Variants in CEP70 observed in about 807,000 individuals in gnomAD.
CEP70 encodes the protein centrosomal protein of 70 kDa.
A neutral mutation model predicts 90.9 loss-of-function variants in CEP70; 70 were observed. That is an observed-to-expected ratio of 0.77 (90% CI 0.64 to 0.94). The LOEUF (loss-of-function observed/expected upper bound fraction) is 0.94. CEP70 is among the 40% of genes least tolerant of loss of function. The probability of loss-of-function intolerance (pLI) is 0.00; values close to 1 mark genes in which losing one functional copy is unlikely to be tolerated. For synonymous variants in CEP70, 220 were observed against 228.3 expected, an observed-to-expected ratio of 0.96 and a Z score of 0.33; for missense variants, 648 against 669.0, an observed-to-expected ratio of 0.97 and a Z score of 0.35.
At chr3:138,516,940 A>C (rs1339329898) in intron 11 of CEP70, among the ~76,000 whole-genome samples, 1 of 152,204 alleles carries the variant, frequency 6.6e-6, no homozygotes, top group African/African-American at 2.4e-5. Flanking sequence ...TTCAGAAAAC[A>C]CAATCACTGA....
chr3:138,505,174 G>T, intron 13 of CEP70, 121 bp downstream of exon 13: 1 of 719,684 alleles, frequency 1.4e-6, no homozygotes, highest in East Asian at 3.0e-5. Flanking sequence ...TAGCTTTAGA[G>T]TTAACACACA....
intron 2 of CEP70, among the ~76,000 whole-genome samples, chr3:138,579,892 G>A (rs1020306176): frequency 2.6e-5 from 4 of 151,964 alleles, no homozygotes; most frequent in African/African-American, 9.7e-5. Context: ...GCCCAACTGG[G>A]GAAGAGCATT....
At chr3:138,545,691 T>TA (rs1343509680) in intron 6 of CEP70, among the ~76,000 whole-genome samples, 5 of 152,176 alleles carry the variant, frequency 3.3e-5, no homozygotes, top group Admixed American at 3.3e-4. Context: ...CAGCAAGGAA[T>TA]ATTAATAATT....
intron 13 of CEP70, among the ~76,000 whole-genome samples, chr3:138,502,012 G>T (rs1223689944): frequency 6.6e-6 from 1 of 152,094 alleles, no homozygotes; most frequent in Non-Finnish European, 1.5e-5. Flanking sequence ...TATGTGTATG[G>T]CACAGCGCTT....
intron 6 of CEP70, among the ~76,000 whole-genome samples, chr3:138,543,994 T>G (rs2038968536): frequency 6.6e-6 from 1 of 152,148 alleles, no homozygotes; most frequent in Non-Finnish European, 1.5e-5. Context: ...AGATATCTAT[T>G]TAAAGTAACC....
At chr3:138,497,714 G>T in intron 17 of CEP70, 1 of 985,330 alleles carries the variant, frequency 1.0e-6, no homozygotes, top group Non-Finnish European at 1.2e-6. Flanking sequence ...GACCTTCTAA[G>T]ATCATAAATC....
At chr3:138,539,998 A>G (rs1386230273) in intron 6 of CEP70, among the ~76,000 whole-genome samples, 2 of 152,258 alleles carry the variant, frequency 1.3e-5, no homozygotes, top group African/African-American at 2.4e-5. Flanking sequence ...GAGCTTCTGC[A>G]TAGCAAAAGT....
chr3:138,571,277 GTTCTTTTGA>G lies in CEP70; in HGVS notation c.140_148del (p.Val47_Thr50delinsAla). On this transcript the variant is annotated inframe_deletion, in exon 4 of 18. Transcript: ENST00000264982. ...TAGGATCTAATTACCTTTGAGATCTGTTCTTTTGACTAGAGACAAAGGTTTTAAGCCATG... is the reference window on the plus strand; with the variant it reads ...TAGGATCTAATTACCTTTGAGATCTGCTAGAGACAAAGGTTTTAAGCCATG... 6.2e-7 allele frequency: 1 copy of G among 1,607,062 alleles called. No individual in the cohort carries two copies. Among genetic ancestry groups the G allele is most frequent in the African/African-American group, 1.3e-5 (1 of 74,802 alleles).
intron 13 of CEP70, among the ~76,000 whole-genome samples, chr3:138,503,675 A>G (rs1160777680): frequency 1.3e-5 from 2 of 152,168 alleles, no homozygotes; most frequent in Non-Finnish European, 2.9e-5. Flanking sequence ...TGTCCTCAGA[A>G]TATTCTAATT....
chr3:138,584,304 G>A (rs1018189536), intron 2 of CEP70, among the ~76,000 whole-genome samples: 2 of 151,646 alleles, frequency 1.3e-5, no homozygotes, highest in Non-Finnish European at 2.9e-5. Context: ...GAAAAGCCTC[G>A]GACTCCATGG....
chr3:138,565,572 A>G (rs952287702), intron 6 of CEP70, among the ~76,000 whole-genome samples: 1 of 152,248 alleles, frequency 6.6e-6, no homozygotes, highest in Non-Finnish European at 1.5e-5. Flanking sequence ...AAACCTGACA[A>G]AAACAAGAAA....
chr3:138,569,266 G>T (rs1467806090), intron 6 of CEP70, among the ~76,000 whole-genome samples: 1 of 152,044 alleles, frequency 6.6e-6, no homozygotes, highest in Non-Finnish European at 1.5e-5. Context: ...ACACACTGAG[G>T]GGACTTCCAG....
In CEP70 at chr3:138,494,424, C is replaced by T. The variant is rs1309007214; in HGVS notation, c.*591G>A. ...CATTACATCAAGATTGCAAAAGACA[C>T]TTTTTAAATGAGAGACTTCTATCTA... On this transcript the variant is annotated 3_prime_UTR_variant, in exon 18 of 18. Coordinates refer to ENST00000264982, the MANE Select transcript of CEP70 (RefSeq NM_024491.4). 1 of 152,190 alleles carries T rather than the reference C, an allele frequency of 6.6e-6. No homozygotes were observed. Among genetic ancestry groups the T allele is most frequent in the Non-Finnish European group, 1.5e-5 (1 of 68,020 alleles). The allele number at this position is 152,190 out of a possible 1,614,324, so 9.4% of individuals were successfully genotyped here.
intron 6 of CEP70, among the ~76,000 whole-genome samples, chr3:138,554,547 A>G (rs1279196732): frequency 6.6e-6 from 1 of 152,168 alleles, no homozygotes; most frequent in Non-Finnish European, 1.5e-5. Context: ...CACTGGCAAT[A>G]TGACTGTATA....
chr3:138,572,793 T>C (rs2108166345), intron 3 of CEP70, 66 bp downstream of exon 3: 2 of 1,037,658 alleles, frequency 1.9e-6, no homozygotes, highest in Middle Eastern at 2.1e-4. Flanking sequence ...AATTTTCCTG[T>C]TTGTAGATGT....
rs190284192 is a variant in CEP70, at chr3:138,582,906, A to T, written c.-6+8948T>A. 5.9e-5 allele frequency among the ~76,000 whole-genome samples: 9 copies of T among 152,262 alleles called. No homozygotes were observed. The East Asian group carries it at 1.7e-3, about 29-fold the overall frequency. ...AAATTAAAACATACCACCTAAGAAAAATCACCTTCACTAAAAAAAGATAGG... is the reference window on the plus strand; with the variant it reads ...AAATTAAAACATACCACCTAAGAAATATCACCTTCACTAAAAAAAGATAGG... On this transcript the variant is annotated intron_variant, in intron 2 of 17. Coordinates refer to ENST00000264982, the MANE Select transcript of CEP70 (RefSeq NM_024491.4).
At chr3:138,560,230 G>A (rs989249127) in intron 6 of CEP70, among the ~76,000 whole-genome samples, 1 of 152,142 alleles carries the variant, frequency 6.6e-6, no homozygotes, top group Admixed American at 6.5e-5. Context: ...AGGAGGGTGG[G>A]GTGTTGCCTC....
chr3:138,529,366 T>C lies in CEP70; in HGVS notation c.780+9A>G. ...TAAAAAGTATTTATTAGTTATGCAG[T>C]CCCCATACCATTAAAAGGCCTTTAT... On this transcript the variant is annotated intron_variant, in intron 9 of 17. Coordinates refer to ENST00000264982, the MANE Select transcript of CEP70 (RefSeq NM_024491.4). 1 of 1,590,096 alleles carries C rather than the reference T, an allele frequency of 6.3e-7. No homozygotes were observed. Among genetic ancestry groups the C allele is most frequent in the Non-Finnish European group, 8.6e-7 (1 of 1,163,766 alleles).
chr3:138,495,833 CAGAG>C (rs1202652170), intron 17 of CEP70: 4 of 969,378 alleles, frequency 4.1e-6, no homozygotes, highest in African/African-American at 1.8e-5. Flanking sequence ...GCCTGGGTGA[CAGAG>C]AGCAAGACTA....
Sources: allele counts gnomAD v4.1 joint callset (sites outside exome capture counted in the v4.1 genomes callset), GRCh38; gene constraint gnomAD v4.1.1; transcripts MANE v1.5; gene names NCBI Gene and HGNC (gene_info 2026-07-23, HGNC 2026-07-21).